Variants in USP53 observed in about 807,000 individuals in gnomAD.
USP53 encodes the protein ubiquitin carboxyl-terminal hydrolase 53.
USP53 carries 71 observed loss-of-function variants against 94.9 expected under a neutral mutation model. The observed-to-expected ratio is 0.75, with a 90% CI of 0.62 to 0.91. USP53 has a LOEUF of 0.91. Ranked by LOEUF, USP53 falls within the 40% of genes least tolerant of loss-of-function variation. The pLI is 0.00. For synonymous variants in USP53, 375 were observed against 422.7 expected (o/e 0.89, Z 1.39); for missense variants, 1,173 against 1,281.0 (o/e 0.92, Z 1.29).
At position 119,292,837 on chromosome 4, in the gene USP53, G is replaced by T; in HGVS notation, c.2848G>T (p.Glu950Ter). Residue 950 changes from glutamate (E) to a stop codon, truncating the protein, a stop_gained, in exon 19 of 19, where the codon GAG becomes TAG. Coordinates refer to ENST00000692078, the MANE Select transcript of USP53 (RefSeq NM_001371395.1). LOFTEE classifies it low-confidence loss of function (END_TRUNC). ...SESTPDVKLT[E>*]VFKATSHLPK... The stretch of plus-strand genomic sequence containing the variant: ...ATCTACACCTGATGTCAAACTTACA[G>T]AGGTGTTTAAAGCTACCTCTCATCT... The T allele has an allele frequency of 6.2e-7, 1 of 1,614,116 alleles. No individual in the cohort carries two copies. The highest frequency in any genetic ancestry group is 8.5e-7 in the Non-Finnish European group (1 of 1,179,990).
At chr4:119,256,380 T>G (rs1461082819) in intron 8 of USP53, 21 bp downstream of exon 8, 2 of 1,613,226 alleles carry the variant, frequency 1.2e-6, no homozygotes, top group Non-Finnish European at 1.7e-6. Flanking sequence ...TTGATTATTA[T>G]TTAGATATTG....
At chr4:119,232,044 TGCAA>T (rs1746148285) in intron 3 of USP53, among the ~76,000 whole-genome samples, 2 of 152,172 alleles carry the variant, frequency 1.3e-5, no homozygotes, top group African/African-American at 4.8e-5. Flanking sequence ...AGGTCAGCCC[TGCAA>T]GCAGACCACT....
chr4:119,246,839 A>G lies in USP53; in HGVS notation c.237+1410A>G, dbSNP rs541425706. ...TTAGCAACTCATTCGTGTCACTGAAATGTTTTGCCAGAGAACTTAAGATTT... is the reference window on the plus strand; with the variant it reads ...TTAGCAACTCATTCGTGTCACTGAAGTGTTTTGCCAGAGAACTTAAGATTT... On this transcript the variant is annotated intron_variant, in intron 6 of 18. Coordinates refer to ENST00000692078, the MANE Select transcript of USP53 (RefSeq NM_001371395.1). Among the ~76,000 whole-genome samples the G allele has an allele frequency of 2.6e-5, 4 of 152,324 alleles. No homozygotes were observed. In the East Asian group the frequency reaches 7.7e-4, roughly 29 times the overall value.
At chr4:119,260,851 G>A (rs1750403945) in intron 11 of USP53, among the ~76,000 whole-genome samples, 198 bp downstream of exon 11, 1 of 151,184 alleles carries the variant, frequency 6.6e-6, no homozygotes, top group African/African-American at 2.4e-5. Flanking sequence ...AAATCATGAT[G>A]ATTGATGATT....
At chr4:119,247,565 C>T (rs1260970271) in intron 6 of USP53, among the ~76,000 whole-genome samples, 1 of 152,114 alleles carries the variant, frequency 6.6e-6, no homozygotes, top group East Asian at 1.9e-4. Context: ...GTACTTATCA[C>T]ATTCTGATGT....
rs199537280 is a variant in USP53, at chr4:119,260,597, T to G, written c.766T>G (p.Ser256Ala). Residue 256 changes from serine (S) to alanine (A), a missense_variant, in exon 11 of 19, where the codon TCT (serine) becomes GCT (alanine). Physicochemically the swap from Ser to Ala is moderately conservative, Grantham distance 99. Transcript: ENST00000692078. Reference protein sequence around the residue: ...TIGLVWDSEHSDLTEAVVRNL... With the variant: ...TIGLVWDSEHADLTEAVVRNL... ...TGGTTTAGTCTGGGACTCCGAGCAT[T>G]CTGACTTGACCGAAGCTGTTGTTCG... is the stretch of plus-strand genomic sequence containing the variant. 3 of 1,613,820 alleles carry G rather than the reference T, an allele frequency of 1.9e-6. No homozygotes were observed. The highest frequency in any genetic ancestry group is 1.7e-6 in the Non-Finnish European group (2 of 1,179,842).
chr4:119,258,262 A>G (rs1750024341), intron 9 of USP53, among the ~76,000 whole-genome samples: 1 of 152,206 alleles, frequency 6.6e-6, no homozygotes, highest in African/African-American at 2.4e-5. Flanking sequence ...TAAAAGCAGT[A>G]TATGCAATTT....
Position 119,212,733 on chromosome 4 carries a change from A to G in USP53, c.-1082A>G. The G allele has an allele frequency of 2.9e-6, 1 of 339,196 alleles. No homozygotes were observed. Among genetic ancestry groups the G allele is most frequent in the South Asian group, 2.3e-5 (1 of 44,310 alleles). The allele number at this position is 339,196 out of a possible 1,614,324, so 21.0% of individuals were successfully genotyped here. A position where few individuals can be genotyped will look rare whatever the true frequency, so the allele number is the denominator to read the frequency against. ...GCTCCAGTTCCCGGTGAGCCTCGGTACTGTGGCAGCAGTCAGTGTGTCTGG... is the reference window on the plus strand; with the variant it reads ...GCTCCAGTTCCCGGTGAGCCTCGGTGCTGTGGCAGCAGTCAGTGTGTCTGG... On this transcript the variant is annotated 5_prime_UTR_variant, in exon 1 of 19. Coordinates refer to ENST00000692078, the MANE Select transcript of USP53 (RefSeq NM_001371395.1).
chr4:119,239,675 C>G lies in USP53; in HGVS notation c.-85C>G. ...ATAGACTGCAGTGGATTTAATTGGA[C>G]AATTCAAGACATCCATTTTATTGTC... On this transcript the variant is annotated 5_prime_UTR_variant, in exon 5 of 19. Coordinates refer to ENST00000692078, the MANE Select transcript of USP53 (RefSeq NM_001371395.1). 1 of 1,436,154 alleles carries G rather than the reference C, an allele frequency of 7.0e-7. No homozygotes were observed. Among genetic ancestry groups the G allele is most frequent in the Non-Finnish European group, 9.3e-7 (1 of 1,073,060 alleles). 89.0% of individuals were successfully genotyped at this position (1,436,154 alleles called of 1,614,324 possible). A position where few individuals can be genotyped will look rare whatever the true frequency, so the allele number is the denominator to read the frequency against.
intron 4 of USP53, among the ~76,000 whole-genome samples, chr4:119,236,792 T>C (rs547786472): frequency 6.6e-6 from 1 of 152,330 alleles, no homozygotes; most frequent in Non-Finnish European, 1.5e-5. Context: ...CCCCTCAGAG[T>C]CATTCATAAG....
rs1447104888 is a variant in USP53 at position 119,268,157 on chromosome 4, G to A, written c.1136-111G>A. 31 of 1,078,814 alleles carry A rather than the reference G, an allele frequency of 2.9e-5. No individual in the cohort carries two copies. In the East Asian group the frequency reaches 7.4e-4, roughly 26 times the overall value. The allele number at this position is 1,078,814 out of a possible 1,614,324, so 66.8% of individuals were successfully genotyped here. ...AGTCCGCAGTCCGGCCTGGGCGACA[G>A]AGCGAGACTCCGTCTCAAAAAAAAA... is the stretch of plus-strand genomic sequence containing the variant. On this transcript the variant is annotated intron_variant, in intron 13 of 18. Transcript: ENST00000692078.
intron 16 of USP53, chr4:119,273,099 A>T (rs1752077563): frequency 6.6e-6 from 1 of 152,496 alleles, no homozygotes. Flanking sequence ...GCTTGAGCCC[A>T]GGAGTTCAAT....
At chr4:119,275,179 A>G (rs1578544587) in intron 17 of USP53, among the ~76,000 whole-genome samples, 3 of 57,834 alleles carry the variant, frequency 5.2e-5, no homozygotes, top group East Asian at 8.9e-4. Flanking sequence ...GCCCATGCCT[A>G]TGTCCTGAAT....
chr4:119,248,762 G>T lies in USP53; in HGVS notation c.252G>T (p.Gln84His). Residue 84 changes from glutamine to histidine, a missense_variant, in exon 7 of 19, where the codon CAG (glutamine) becomes CAT (histidine). Gln to His is a conservative substitution (Grantham distance 24, BLOSUM62 0). Coordinates refer to ENST00000692078, the MANE Select transcript of USP53 (RefSeq NM_001371395.1). ...IFCALKTIFA[Q>H]FQHSREKALP... ...TCGATTCCCAGACGATATTTGCACA[G>T]TTCCAACACAGTCGAGAAAAAGCAC... 1 of 1,613,772 alleles carries T rather than the reference G, an allele frequency of 6.2e-7. No individual in the cohort carries two copies. The highest frequency in any genetic ancestry group is 8.5e-7 in the Non-Finnish European group (1 of 1,179,984).
At chr4:119,265,235 A>G (rs906740950) in intron 12 of USP53, among the ~76,000 whole-genome samples, 1 of 152,216 alleles carries the variant, frequency 6.6e-6, no homozygotes, top group Non-Finnish European at 1.5e-5. Flanking sequence ...TTCATATAGT[A>G]CAACTCAATA....
chr4:119,292,860 T>C lies in USP53; in HGVS notation c.2871T>C (p.His957=). 2 of 1,614,090 alleles carry C rather than the reference T, an allele frequency of 1.2e-6. No individual in the cohort carries two copies. Among genetic ancestry groups the C allele is most frequent in the Non-Finnish European group, 1.7e-6 (2 of 1,179,970 alleles). ...CAGAGGTGTTTAAAGCTACCTCTCA[T>C]CTTCCGAAGCACAGTTTAAGTACAG... is the stretch of plus-strand genomic sequence containing the variant. ...KLTEVFKATS[H]LPKHSLSTAS... The change falls in exon 19 of 19, where the codon CAT becomes CAC. Residue 957 remains histidine (H), a synonymous_variant. Coordinates refer to ENST00000692078, the MANE Select transcript of USP53 (RefSeq NM_001371395.1).
chr4:119,234,533 T>A (rs920266917), intron 3 of USP53, among the ~76,000 whole-genome samples: 7 of 152,178 alleles, frequency 4.6e-5, no homozygotes, highest in Admixed American at 1.3e-4. Flanking sequence ...AAAGTGTATA[T>A]AAAAATAGTT....
chr4:119,220,453 T>A (rs1188753364), intron 3 of USP53: 1 of 152,146 alleles, frequency 6.6e-6, no homozygotes, highest in Non-Finnish European at 1.5e-5. Context: ...TATAAATTCT[T>A]AGAAAAAGTA....
At chr4:119,255,556 AG>A (rs1749642991) in intron 7 of USP53, among the ~76,000 whole-genome samples, 1 of 152,192 alleles carries the variant, frequency 6.6e-6, no homozygotes, top group Admixed American at 6.5e-5. Context: ...CCGCTGAGCC[AG>A]GCACGGGAGG....
Sources: allele counts gnomAD v4.1 joint callset (sites outside exome capture counted in the v4.1 genomes callset), GRCh38; gene constraint gnomAD v4.1.1; transcripts MANE v1.5; gene names NCBI Gene and HGNC (gene_info 2026-07-23, HGNC 2026-07-21).